ADGRA3: variants seen among roughly 807,000 people sequenced by gnomAD.
ADGRA3 encodes the protein G-protein coupled receptor 125.
Under a neutral mutation model 119.8 loss-of-function variants are expected in ADGRA3, and 56 were observed. The ratio of observed to expected loss-of-function variants is 0.47; its 90% CI spans 0.38 to 0.58. The LOEUF (loss-of-function observed/expected upper bound fraction) is 0.58. ADGRA3 is among the 20% of genes least tolerant of loss of function. The pLI, the probability that ADGRA3 is intolerant of heterozygous loss-of-function variation, is 0.00. For missense variants in ADGRA3, 1,516 were observed against 1,649.0 expected, an observed-to-expected ratio of 0.92 and a Z score of 1.40; for synonymous variants, 607 against 623.8, an observed-to-expected ratio of 0.97 and a Z score of 0.40.
chr4:22,487,577 T>C (rs543174125), intron 1 of ADGRA3, among the ~76,000 whole-genome samples: 1 of 152,168 alleles, frequency 6.6e-6, no homozygotes, highest in African/African-American at 2.4e-5. Context: ...TTGGTCTAAA[T>C]AACAGTATAA....
At chr4:22,417,566 T>C (rs1356729543) in intron 12 of ADGRA3, among the ~76,000 whole-genome samples, 1 of 152,106 alleles carries the variant, frequency 6.6e-6, no homozygotes, top group East Asian at 1.9e-4. Context: ...TTGCCCACAT[T>C]TGCACAGCTG....
chr4:22,492,656 G>A (rs909910039), intron 1 of ADGRA3, among the ~76,000 whole-genome samples: 1 of 152,230 alleles, frequency 6.6e-6, no homozygotes, highest in African/African-American at 2.4e-5. Context: ...CAGTGGAGGT[G>A]TAGCTGGGTG....
At chr4:22,406,736 G>C (rs1714947277) in intron 14 of ADGRA3, among the ~76,000 whole-genome samples, 1 of 151,966 alleles carries the variant, frequency 6.6e-6, no homozygotes, top group Non-Finnish European at 1.5e-5. Flanking sequence ...CACGCAAAGA[G>C]GTCTCCTGCC....
chr4:22,495,335 A>G (rs28414141), intron 1 of ADGRA3, among the ~76,000 whole-genome samples: 2,233 of 152,130 alleles, frequency 0.015, 91 homozygotes, highest in African/African-American at 0.052. Flanking sequence ...GCACATTGAG[A>G]GTCGGATCGC....
At chr4:22,418,156 A>G (rs552549063) in intron 12 of ADGRA3, among the ~76,000 whole-genome samples, 1 of 152,288 alleles carries the variant, frequency 6.6e-6, no homozygotes, top group South Asian at 2.1e-4. Context: ...AAATTGGAAG[A>G]GATTTGATAG....
chr4:22,494,428 C>T (rs1284584537), intron 1 of ADGRA3, among the ~76,000 whole-genome samples: 1 of 151,820 alleles, frequency 6.6e-6, no homozygotes, highest in Non-Finnish European at 1.5e-5. Flanking sequence ...ATGGAGTAGC[C>T]ATTCTTTTAT....
intron 1 of ADGRA3, among the ~76,000 whole-genome samples, chr4:22,508,840 C>T (rs989506435): frequency 6.6e-6 from 1 of 152,206 alleles, no homozygotes; most frequent in Non-Finnish European, 1.5e-5. Flanking sequence ...AGTAGGTTCA[C>T]ATTCCAAAAG....
chr4:22,450,107 C>T (rs1053268874), intron 4 of ADGRA3, among the ~76,000 whole-genome samples: 4 of 152,052 alleles, frequency 2.6e-5, no homozygotes, highest in South Asian at 2.1e-4. Flanking sequence ...ACATTACAAT[C>T]GCAGTCTAGC....
chr4:22,490,757 CAAA>C (rs1185333393), intron 1 of ADGRA3, among the ~76,000 whole-genome samples: 1 of 152,068 alleles, frequency 6.6e-6, no homozygotes, highest in Non-Finnish European at 1.5e-5. Flanking sequence ...AAAGGGCAGA[CAAA>C]GAAGGGGAAA....
intron 14 of ADGRA3, among the ~76,000 whole-genome samples, chr4:22,410,059 T>G (rs1463878936): frequency 6.6e-6 from 1 of 152,178 alleles, no homozygotes; most frequent in Non-Finnish European, 1.5e-5. Flanking sequence ...TTGAATACCA[T>G]TTTAATCTAT....
At chr4:22,471,689 C>T (rs1197088381) in intron 2 of ADGRA3, among the ~76,000 whole-genome samples, 2 of 151,924 alleles carry the variant, frequency 1.3e-5, no homozygotes, top group Non-Finnish European at 2.9e-5. Context: ...GGCCCAGGTC[C>T]CAGGGTCAAC....
intron 16 of ADGRA3, among the ~76,000 whole-genome samples, chr4:22,398,318 T>C (rs1016985556): frequency 6.6e-6 from 1 of 152,184 alleles, no homozygotes; most frequent in East Asian, 1.9e-4. Context: ...ATCTCAGGTA[T>C]ACAATATTGG....
intron 1 of ADGRA3, among the ~76,000 whole-genome samples, chr4:22,506,847 A>G (rs1719256570): frequency 6.6e-6 from 1 of 152,240 alleles, no homozygotes. Context: ...GCTAAACTGT[A>G]CATCAAGCAT....
chr4:22,503,580 T>C lies in ADGRA3; in HGVS notation c.257+11948A>G, dbSNP rs910224266. ...CTATTCCACCCACAATACAAGGCCA[T>C]GGCAGCACTGGCTGTTAAATGCCTG... On this transcript the variant is annotated intron_variant, in intron 1 of 18. Coordinates refer to ENST00000334304, the MANE Select transcript of ADGRA3 (RefSeq NM_145290.4). 1.6e-4 allele frequency among the ~76,000 whole-genome samples: 24 copies of C among 152,288 alleles called. 1 individual carries two copies. The highest frequency in any genetic ancestry group is 8.3e-4 in the South Asian group (4 of 4,828).
intron 1 of ADGRA3, among the ~76,000 whole-genome samples, chr4:22,485,435 C>CTT (rs561498551): frequency 0.016 from 2,333 of 149,986 alleles, 62 homozygotes; most frequent in African/African-American, 0.053. Context: ...CCATTAGATG[C>CTT]TTTTTTTTTT....
chr4:22,397,411 A>T (rs1378054877), intron 16 of ADGRA3, among the ~76,000 whole-genome samples: 3 of 151,764 alleles, frequency 2.0e-5, no homozygotes, highest in Non-Finnish European at 4.4e-5. Context: ...CGATCTCTTG[A>T]CCTCGTGATC....
At position 22,478,278 on chromosome 4, in the gene ADGRA3, T is replaced by A. The variant is rs1392579214; in HGVS notation, c.258-4435A>T. 5.3e-5 allele frequency: 8 copies of A among 152,210 alleles called. No homozygotes were observed. The East Asian group carries it at 5.8e-4, about 11-fold the overall frequency. 9.4% of individuals were successfully genotyped at this position (152,210 alleles called of 1,614,324 possible). A position where few individuals can be genotyped will look rare whatever the true frequency, so the allele number is the denominator to read the frequency against. On this transcript the variant is annotated intron_variant, in intron 1 of 18. Transcript: ENST00000334304. ...GTGAGACTTACTATACATATTTTTTTAAAAAATCAAAAAGTTTATGGAGCA... is the reference window on the plus strand; with the variant it reads ...GTGAGACTTACTATACATATTTTTTAAAAAAATCAAAAAGTTTATGGAGCA...
At chr4:22,416,796 C>CT (rs959641414) in intron 12 of ADGRA3, among the ~76,000 whole-genome samples, 10 of 151,962 alleles carry the variant, frequency 6.6e-5, no homozygotes, top group East Asian at 3.9e-4. Flanking sequence ...CACACAGCTG[C>CT]TTTTTTTTGC....
intron 1 of ADGRA3, among the ~76,000 whole-genome samples, chr4:22,488,973 A>G (rs1560342745): frequency 6.6e-6 from 1 of 152,164 alleles, no homozygotes; most frequent in African/African-American, 2.4e-5. Flanking sequence ...TTGGGGAGAT[A>G]TTATTTAACA....
Sources: allele counts gnomAD v4.1 joint callset (sites outside exome capture counted in the v4.1 genomes callset), GRCh38; gene constraint gnomAD v4.1.1; transcripts MANE v1.5; gene names NCBI Gene and HGNC (gene_info 2026-07-23, HGNC 2026-07-21).